GCFC2: variants seen among roughly 807,000 people sequenced by gnomAD.
GCFC2 encodes the protein GC-rich sequence DNA-binding factor 2, also known as intron Large complex component GCFC2.
In GCFC2, 102 loss-of-function variants were observed where a neutral mutation model predicts 99.4. The observed-to-expected ratio is 1.03, with a 90% CI of 0.87 to 1.21. GCFC2 has a LOEUF of 1.21. GCFC2 is among the 50% of genes most tolerant of loss of function. The pLI, the probability that GCFC2 is intolerant of heterozygous loss-of-function variation, is 0.00. For missense variants in GCFC2, 973 were observed against 920.9 expected (o/e 1.06, Z -0.73); for synonymous variants, 338 against 316.8 (o/e 1.07, Z -0.71).
At position 75,696,313 on chromosome 2, in the gene GCFC2, T is replaced by C. The variant is rs367705553; in HGVS notation, c.720A>G (p.Glu240=). The part of the protein sequence containing the change: ...QMRKAVKIIE[E]RDIDLSCGNG... ...TGCCACAGGAAAGATCTATGTCTCT[T>C]TCCTAAAAAAGTAAAAATAGATTTT... The change falls in exon 5 of 17, where the codon GAA becomes GAG. Residue 240 remains glutamate (E), a splice_region_variant and synonymous_variant. Transcript: ENST00000321027. 6 of 1,228,406 alleles carry C rather than the reference T, an allele frequency of 4.9e-6. No individual in the cohort carries two copies. Among genetic ancestry groups the C allele is most frequent in the Non-Finnish European group, 7.2e-6 (6 of 837,240 alleles). 76.1% of individuals were successfully genotyped at this position (1,228,406 alleles called of 1,614,324 possible).
chr2:75,670,839 C>G (rs1679062888), intron 14 of GCFC2: 1 of 152,644 alleles, frequency 6.6e-6, no homozygotes, highest in South Asian at 2.1e-4. Context: ...TAAGGTGTTT[C>G]TTTTTTTGCA....
intron 4 of GCFC2, among the ~76,000 whole-genome samples, chr2:75,700,655 TA>T (rs1329709557): frequency 6.6e-6 from 1 of 152,064 alleles, no homozygotes; most frequent in Non-Finnish European, 1.5e-5. Context: ...AATTAAAGAT[TA>T]AAAAAATAGT....
At position 75,692,096 on chromosome 2, in the gene GCFC2, AT is replaced by A; in HGVS notation, c.1024del (p.Ile342SerfsTer6). 1 of 1,448,174 alleles carries A rather than the reference AT, an allele frequency of 6.9e-7. No individual in the cohort carries two copies. The highest frequency in any genetic ancestry group is 9.3e-7 in the Non-Finnish European group (1 of 1,070,486). 89.7% of individuals were successfully genotyped at this position (1,448,174 alleles called of 1,614,324 possible). Reference sequence around the variant, plus strand: ...GGATGATTCTATTTCTTGGATGTTGATAATCTGAAATACACATATAAGTAAC... The same window carrying A: ...GGATGATTCTATTTCTTGGATGTTGAAATCTGAAATACACATATAAGTAAC... ...NLIDCLNEKIINIQEIESSMH... is the reference protein window; with the variant it reads ...NLIDCLNEKIXNIQEIESSMH... On this transcript the variant is annotated frameshift_variant, in exon 7 of 17. Transcript: ENST00000321027. LOFTEE classifies it high-confidence loss of function.
At chr2:75,669,493 T>C (rs1678990881) in intron 15 of GCFC2, among the ~76,000 whole-genome samples, 1 of 152,206 alleles carries the variant, frequency 6.6e-6, no homozygotes, top group Admixed American at 6.5e-5. Context: ...CTCTCAAATA[T>C]AGTCATTTAC....
At chr2:75,669,995 G>A (rs1440727645) in intron 15 of GCFC2, 143 bp downstream of exon 15, 2 of 530,388 alleles carry the variant, frequency 3.8e-6, no homozygotes, top group South Asian at 2.5e-5. Flanking sequence ...AAAGTGCTGG[G>A]ATTACAGGCA....
upstream of GCFC2, among the ~76,000 whole-genome samples, chr2:75,712,055 TAG>T (rs1294608611): frequency 6.6e-6 from 1 of 152,240 alleles, no homozygotes; most frequent in East Asian, 1.9e-4. Context: ...GGTGGGGACA[TAG>T]AGAGTCTTTA....
At chr2:75,669,142 T>C (rs1678974761) in intron 15 of GCFC2, among the ~76,000 whole-genome samples, 1 of 152,266 alleles carries the variant, frequency 6.6e-6, no homozygotes, top group Non-Finnish European at 1.5e-5. Flanking sequence ...GTGACTTTAC[T>C]GTTGCACGTG....
intron 2 of GCFC2, among the ~76,000 whole-genome samples, chr2:75,705,895 G>A (rs1285103980): frequency 6.6e-6 from 1 of 152,164 alleles, no homozygotes; most frequent in African/African-American, 2.4e-5. Flanking sequence ...TGCTGCTGCA[G>A]TGCAAAAGCA....
In GCFC2 at chr2:75,691,416, C is replaced by T. The variant is rs112545692; in HGVS notation, c.1144+561G>A. Among the ~76,000 whole-genome samples, 399 of 152,148 alleles carry T rather than the reference C, an allele frequency of 2.6e-3. 3 individuals carry two copies. The highest frequency in any genetic ancestry group is 0.01 in the Middle Eastern group (3 of 294). On this transcript the variant is annotated intron_variant, in intron 7 of 16. Coordinates refer to ENST00000321027, the MANE Select transcript of GCFC2 (RefSeq NM_003203.5). The stretch of plus-strand genomic sequence containing the variant: ...ATTCATATTATTTCTTATTTTAATA[C>T]GTAATACCATTATTTATGATCCACT...
Position 75,710,663 on chromosome 2 carries a change from G to T in GCFC2, c.193C>A (p.Arg65Ser), listed in dbSNP as rs540676907. The change falls in exon 1 of 17, where the codon CGT (arginine) becomes AGT (serine). Residue 65 changes from arginine (R) to serine (S), a missense_variant. Coordinates refer to ENST00000321027, the MANE Select transcript of GCFC2 (RefSeq NM_003203.5). Reference protein sequence around the residue: ...AGLPHRVRGPRGRGRVWASSR... With the variant: ...AGLPHRVRGPSGRGRVWASSR... ...CTCGCCCAGACCCGGCCCCGGCCACGAGGGCCCCGAACCCGGTGGGGCAGT... is the reference window on the plus strand; with the variant it reads ...CTCGCCCAGACCCGGCCCCGGCCACTAGGGCCCCGAACCCGGTGGGGCAGT... 59 of 1,519,312 alleles carry T rather than the reference G, an allele frequency of 3.9e-5. No individual in the cohort carries two copies. The highest frequency in any genetic ancestry group is 2.1e-4 in the South Asian group (17 of 82,418). 94.1% of individuals were successfully genotyped at this position (1,519,312 alleles called of 1,614,324 possible). A position where few individuals can be genotyped will look rare whatever the true frequency, so the allele number is the denominator to read the frequency against.
At chr2:75,679,740 T>G (rs1679486805) in intron 12 of GCFC2, 2 of 398,680 alleles carry the variant, frequency 5.0e-6, no homozygotes, top group Non-Finnish European at 8.8e-6. Flanking sequence ...GAAATGAATT[T>G]GCACTAATGA....
intron 15 of GCFC2, 78 bp from the exon 16 acceptor site, chr2:75,666,131 T>G (rs112016250): frequency 1.9e-6 from 2 of 1,063,366 alleles, no homozygotes; most frequent in Non-Finnish European, 2.7e-6. Flanking sequence ...ATAGTGATAC[T>G]GTAAGCTGAG....
At chr2:75,704,874 C>T (rs1252135420) in intron 2 of GCFC2, among the ~76,000 whole-genome samples, 1 of 152,164 alleles carries the variant, frequency 6.6e-6, no homozygotes, top group Non-Finnish European at 1.5e-5. Flanking sequence ...CAGGGTTTCA[C>T]CATTTTGGCC....
intron 4 of GCFC2, among the ~76,000 whole-genome samples, chr2:75,696,786 A>ATTTTTTTTTTTT: frequency 6.6e-6 from 1 of 151,774 alleles, no homozygotes; most frequent in African/African-American, 2.4e-5. Flanking sequence ...TCTTTAAGAC[A>ATTTTTTTTTTTT]TTCTTTCTTT....
intron 3 of GCFC2, 158 bp downstream of exon 3, chr2:75,702,041 A>C: frequency 7.0e-7 from 1 of 1,425,608 alleles, no homozygotes; most frequent in South Asian, 1.6e-5. Context: ...ATACAGATAC[A>C]TCTTTTAGAG....
chr2:75,701,103 A>G, intron 4 of GCFC2, 87 bp downstream of exon 4: 1 of 764,764 alleles, frequency 1.3e-6, no homozygotes, highest in East Asian at 2.5e-5. Flanking sequence ...GAGAGAATAA[A>G]TGTGTGTTCT....
rs965516445 is a variant in GCFC2, at chr2:75,696,980, G to A, written c.718-665C>T. ...TTTTTGTATTTTTAGTAGACATGGGGTTTCACTGTGTTAGCCAGGATGGTC... is the reference window on the plus strand; with the variant it reads ...TTTTTGTATTTTTAGTAGACATGGGATTTCACTGTGTTAGCCAGGATGGTC... On this transcript the variant is annotated intron_variant, in intron 4 of 16. Coordinates refer to ENST00000321027, the MANE Select transcript of GCFC2 (RefSeq NM_003203.5). 5.6e-4 allele frequency among the ~76,000 whole-genome samples: 85 copies of A among 152,000 alleles called. 5 individuals are homozygous for A.
Position 75,702,338 on chromosome 2 carries a change from A to T in GCFC2, c.480T>A (p.Asp160Glu), listed in dbSNP as rs771358465. The T allele has an allele frequency of 6.8e-6, 11 of 1,612,940 alleles. No individual in the cohort carries two copies. The African/African-American group carries it at 8.0e-5, about 12-fold the overall frequency. Residue 160 changes from aspartate to glutamate, a missense_variant, in exon 3 of 17, where the codon GAT becomes GAA. Coordinates refer to ENST00000321027, the MANE Select transcript of GCFC2 (RefSeq NM_003203.5). Reference sequence around the variant, plus strand: ...CAGAGATGGAGGAGGTATGTTGTACATCCAAAGAAATATAGTCATCTTGGG... The same window carrying T: ...CAGAGATGGAGGAGGTATGTTGTACTTCCAAAGAAATATAGTCATCTTGGG... ...ARAQDDYISL[D>E]VQHTSSISGM... is the part of the protein sequence containing the mutation.
In GCFC2 at chr2:75,710,883, AG is replaced by A; in HGVS notation, c.-29del. The A allele has an allele frequency of 1.3e-6, 2 of 1,520,558 alleles. No individual in the cohort carries two copies. Among genetic ancestry groups the A allele is most frequent in the Non-Finnish European group, 8.8e-7 (1 of 1,140,720 alleles). The allele number at this position is 1,520,558 out of a possible 1,614,324, so 94.2% of individuals were successfully genotyped here. A position where few individuals can be genotyped will look rare whatever the true frequency, so the allele number is the denominator to read the frequency against. On this transcript the variant is annotated 5_prime_UTR_variant, in exon 1 of 17. Coordinates refer to ENST00000321027, the MANE Select transcript of GCFC2 (RefSeq NM_003203.5). Reference sequence around the variant, plus strand: ...CCGAGGCCCGAGCGCCCGGCGCCCTAGAACCCGCTGAACCGCAAGCCGCAGC... The same window carrying A: ...CCGAGGCCCGAGCGCCCGGCGCCCTAAACCCGCTGAACCGCAAGCCGCAGC...
Sources: gnomAD v4.1 joint callset for allele counts (sites outside exome capture counted in the v4.1 genomes callset) on GRCh38, gnomAD v4.1.1 for gene constraint, MANE v1.5 for transcripts, NCBI Gene and HGNC (gene_info 2026-07-23, HGNC 2026-07-21) for gene names.